GOLM2: variants seen among roughly 807,000 people sequenced by gnomAD.
The protein encoded by GOLM2 is protein GOLM2.
GOLM2 carries 26 observed loss-of-function variants against 55.9 expected under a neutral mutation model. The observed-to-expected ratio is 0.47, with a 90% CI of 0.34 to 0.65. The LOEUF (loss-of-function observed/expected upper bound fraction) is 0.65, where lower values mean the gene tolerates loss of function less well. Ranked by LOEUF, GOLM2 falls within the 30% of genes least tolerant of loss-of-function variation. The probability of loss-of-function intolerance (pLI) is 0.01; values close to 1 mark genes in which losing one functional copy is unlikely to be tolerated. For synonymous variants in GOLM2, 165 were observed against 194.6 expected, an observed-to-expected ratio of 0.85 and a Z score of 1.27; for missense variants, 486 against 531.8, an observed-to-expected ratio of 0.91 and a Z score of 0.85.
intron 9 of GOLM2, among the ~76,000 whole-genome samples, chr15:44,407,264 TTA>T (rs538117540): frequency 2.0e-5 from 3 of 147,008 alleles, no homozygotes; most frequent in Non-Finnish European, 3.0e-5. Context: ...TATTATATAT[TTA>T]TATATATATA....
At chr15:44,359,096 G>A (rs183338928) in intron 6 of GOLM2, among the ~76,000 whole-genome samples, 6 of 151,956 alleles carry the variant, frequency 3.9e-5, no homozygotes, top group African/African-American at 9.6e-5. Flanking sequence ...GTTGCAGTGA[G>A]CTGAGATCGC....
chr15:44,313,920 A>G (rs2078890834), intron 1 of GOLM2, among the ~76,000 whole-genome samples: 1 of 152,190 alleles, frequency 6.6e-6, no homozygotes, highest in African/African-American at 2.4e-5. Context: ...GTCAAGACCA[A>G]AGACCTTGTT....
At chr15:44,386,835 C>T (rs1173454623) in intron 8 of GOLM2, among the ~76,000 whole-genome samples, 1 of 149,318 alleles carries the variant, frequency 6.7e-6, no homozygotes, top group African/African-American at 2.5e-5. Flanking sequence ...TGTTCCACTG[C>T]ACTCCAGCTT....
At chr15:44,341,565 G>A (rs9806569) in intron 6 of GOLM2, among the ~76,000 whole-genome samples, 2 of 151,768 alleles carry the variant, frequency 1.3e-5, no homozygotes, top group Non-Finnish European at 2.9e-5. Flanking sequence ...TAGGTATATT[G>A]TCCTATCAGA....
intron 6 of GOLM2, among the ~76,000 whole-genome samples, chr15:44,370,256 C>G (rs2079321210): frequency 6.6e-6 from 1 of 152,192 alleles, no homozygotes; most frequent in African/African-American, 2.4e-5. Context: ...AGTTGACACT[C>G]AATACTAACC....
intron 4 of GOLM2, among the ~76,000 whole-genome samples, chr15:44,334,519 G>C (rs1352494567): frequency 6.6e-6 from 1 of 152,122 alleles, no homozygotes; most frequent in Non-Finnish European, 1.5e-5. Context: ...CTTTCGTACT[G>C]TTTAGAGGCC....
At chr15:44,400,445 A>G (rs1333874047) in intron 8 of GOLM2, among the ~76,000 whole-genome samples, 1 of 151,574 alleles carries the variant, frequency 6.6e-6, no homozygotes, top group Non-Finnish European at 1.5e-5. Flanking sequence ...CAGCCTCCCA[A>G]GTAGCTGGAT....
rs1377646792 is a variant in GOLM2 at position 44,289,276 on chromosome 15, CAGA to C, written c.250_252del (p.Lys84del). 3 of 1,613,730 alleles carry C rather than the reference CAGA, an allele frequency of 1.9e-6. No homozygotes were observed. Among genetic ancestry groups the C allele is most frequent in the South Asian group, 2.2e-5 (2 of 91,072 alleles). On this transcript the variant is annotated inframe_deletion, in exon 1 of 10. Transcript: ENST00000299957. The surrounding 1 kb of genome is among the most constrained non-coding windows in gnomAD (Gnocchi z 4.8). ...GGACACGCACAAGAAACAGATCGACCAGAAGGAGGCCGACTACGGCCGCCTCAG... is the reference window on the plus strand; with the variant it reads ...GGACACGCACAAGAAACAGATCGACCAGGAGGCCGACTACGGCCGCCTCAG...
chr15:44,336,102 C>T (rs908948726), intron 4 of GOLM2, among the ~76,000 whole-genome samples: 14 of 151,928 alleles, frequency 9.2e-5, no homozygotes, highest in African/African-American at 2.9e-4. Context: ...CATGAACCAC[C>T]GTGCCTGGCC....
chr15:44,404,283 C>T (rs1391278910), intron 9 of GOLM2, among the ~76,000 whole-genome samples: 1 of 151,732 alleles, frequency 6.6e-6, no homozygotes, highest in Non-Finnish European at 1.5e-5. Flanking sequence ...TTATAAAACC[C>T]AGAAGAAAAT....
At chr15:44,299,772 G>A (rs75877574) in intron 1 of GOLM2, among the ~76,000 whole-genome samples, 15,798 of 151,514 alleles carry the variant, frequency 0.1, 1,776 homozygotes, top group African/African-American at 0.27. Flanking sequence ...TAATAATATT[G>A]GTTCCTTTCT....
At chr15:44,368,599 C>T (rs1400428070) in intron 6 of GOLM2, among the ~76,000 whole-genome samples, 1 of 151,798 alleles carries the variant, frequency 6.6e-6, no homozygotes, top group Admixed American at 6.6e-5. Flanking sequence ...CTTTAGATGT[C>T]GTACTTTCAA....
intron 9 of GOLM2, 178 bp downstream of exon 9, chr15:44,403,232 G>A (rs2079577529): frequency 6.4e-6 from 4 of 627,466 alleles, no homozygotes; most frequent in Non-Finnish European, 1.1e-5. Context: ...GTGCGATCTT[G>A]GCTCACCGCA....
At chr15:44,308,929 C>A (rs1049428698) in intron 1 of GOLM2, among the ~76,000 whole-genome samples, 1 of 152,048 alleles carries the variant, frequency 6.6e-6, no homozygotes, top group Non-Finnish European at 1.5e-5. Context: ...GGAACTTATA[C>A]AATGTAATAA....
Position 44,412,563 on chromosome 15 carries a change from TTCTG to T in GOLM2, c.1241-769_1241-766del, listed in dbSNP as rs1002442949. On this transcript the variant is annotated intron_variant, in intron 9 of 9. Transcript: ENST00000299957. The stretch of plus-strand genomic sequence containing the variant: ...TTGGGATTATGAGTGACTTTTATTT[TTCTG>T]TCTTTTATAATTTTAAAAATACTAA... 2.7e-4 allele frequency among the ~76,000 whole-genome samples: 41 copies of T among 152,294 alleles called. No homozygotes were observed. The South Asian group carries it at 4.8e-3, about 18-fold the overall frequency.
intron 1 of GOLM2, among the ~76,000 whole-genome samples, chr15:44,313,319 T>C (rs187365213): frequency 3.9e-5 from 6 of 152,346 alleles, no homozygotes; most frequent in Middle Eastern, 3.4e-3. Context: ...ATTTTATCTC[T>C]GCATTTTCTG....
At chr15:44,311,459 A>T (rs1345003845) in intron 1 of GOLM2, among the ~76,000 whole-genome samples, 2 of 151,956 alleles carry the variant, frequency 1.3e-5, no homozygotes, top group Non-Finnish European at 2.9e-5. Context: ...TCTGAAAAAG[A>T]TTGCTTTTCT....
intron 6 of GOLM2, among the ~76,000 whole-genome samples, chr15:44,339,818 C>G (rs1008122018): frequency 2.6e-5 from 4 of 151,748 alleles, no homozygotes; most frequent in African/African-American, 4.8e-5. Context: ...TTTTTATTTT[C>G]TTTATTTTTT....
At chr15:44,354,232 A>C (rs1228930863) in intron 6 of GOLM2, among the ~76,000 whole-genome samples, 2 of 150,134 alleles carry the variant, frequency 1.3e-5, no homozygotes, top group African/African-American at 4.9e-5. Flanking sequence ...ATAGACCATA[A>C]AACGGGAATT....
Sources: gnomAD v4.1 joint callset for allele counts (sites outside exome capture counted in the v4.1 genomes callset) on GRCh38, gnomAD v4.1.1 for gene constraint, Gnocchi (gnomAD v3.1) non-coding constraint, MANE v1.5 for transcripts, NCBI Gene and HGNC (gene_info 2026-07-23, HGNC 2026-07-21) for gene names.